The following PIGL variants were observed in gnomAD, a reference collection of about 807,000 sequenced individuals.
The protein encoded by PIGL is N-acetylglucosaminyl-phosphatidylinositol de-N-acetylase.
A neutral mutation model predicts 31.1 loss-of-function variants in PIGL; 22 were observed. The observed-to-expected ratio is 0.71, with a 90% CI of 0.51 to 1.01. PIGL has a LOEUF of 1.01. Among genes scored for constraint, PIGL ranks in the 50% least tolerant of loss-of-function variants. The pLI, the probability that PIGL is intolerant of heterozygous loss-of-function variation, is 0.00. For synonymous variants in PIGL, 131 were observed against 117.4 expected (o/e 1.12, Z -0.75); for missense variants, 302 against 315.9 (o/e 0.96, Z 0.33).
intron 1 of PIGL, among the ~76,000 whole-genome samples, chr17:16,220,474 A>T (rs1332544647): frequency 5.5e-5 from 7 of 127,260 alleles, no homozygotes; most frequent in Admixed American, 1.8e-4. Context: ...GTTTTTTTAA[A>T]TTGTTATTTT....
intron 2 of PIGL, among the ~76,000 whole-genome samples, chr17:16,238,095 C>T (rs1193896222): frequency 6.7e-6 from 1 of 149,922 alleles, no homozygotes; most frequent in African/African-American, 2.5e-5. Context: ...ACTCGGGAGG[C>T]TGAGGCAGGA....
intron 1 of PIGL, among the ~76,000 whole-genome samples, chr17:16,226,303 G>A (rs1399953874): frequency 2.6e-5 from 4 of 152,096 alleles, no homozygotes; most frequent in Non-Finnish European, 4.4e-5. Context: ...ATGCACTTAC[G>A]TATCTGGCTG....
chr17:16,232,222 G>A (rs894045936), intron 1 of PIGL, among the ~76,000 whole-genome samples: 1 of 152,098 alleles, frequency 6.6e-6, no homozygotes, highest in East Asian at 1.9e-4. Context: ...AGGTTGCAGT[G>A]AACTGAGATC....
intron 2 of PIGL, among the ~76,000 whole-genome samples, chr17:16,267,022 C>T (rs1475175705): frequency 1.3e-5 from 2 of 151,860 alleles, no homozygotes; most frequent in East Asian, 3.9e-4. Flanking sequence ...TACAGTTGAC[C>T]TTTGAACAAT....
At chr17:16,265,470 C>T (rs12936529) in intron 2 of PIGL, among the ~76,000 whole-genome samples, 63,328 of 151,860 alleles carry the variant, frequency 0.42, 14,017 homozygotes, top group Middle Eastern at 0.53. Flanking sequence ...AGACCAGGCG[C>T]GGTGGCTCAT....
chr17:16,318,665 G>T (rs2093089270), intron 6 of PIGL, among the ~76,000 whole-genome samples: 1 of 152,004 alleles, frequency 6.6e-6, no homozygotes, highest in Non-Finnish European at 1.5e-5. Flanking sequence ...AGGTGTGGTG[G>T]CTCATGCCTG....
chr17:16,261,261 G>A (rs2092818196), intron 2 of PIGL, among the ~76,000 whole-genome samples: 1 of 152,166 alleles, frequency 6.6e-6, no homozygotes. Flanking sequence ...GCTGGGCTGA[G>A]TGGGCAGAAC....
rs545955870 is a variant in PIGL at position 16,240,059 on chromosome 17, G to A, written c.335+5989G>A. 2.6e-5 allele frequency among the ~76,000 whole-genome samples: 4 copies of A among 152,232 alleles called. No individual in the cohort carries two copies. In the East Asian group the frequency reaches 7.7e-4, roughly 29 times the overall value. ...GGCGTTGGATCAGTAGGAGGTGATT[G>A]GATCATGGAGGCAGATTTCTCATGA... On this transcript the variant is annotated intron_variant, in intron 2 of 6. Transcript: ENST00000225609.
In PIGL at chr17:16,250,119, G is replaced by A. The variant is rs1600776309; in HGVS notation, c.335+16049G>A. ...ATGCCACCATGTCCGGCTAATTTTT[G>A]TATTTTTAGTAGAGTCAGGGTTTCC... On this transcript the variant is annotated intron_variant, in intron 2 of 6. Coordinates refer to ENST00000225609, the MANE Select transcript of PIGL (RefSeq NM_004278.4). Among the ~76,000 whole-genome samples the A allele has an allele frequency of 2.0e-5, 3 of 152,044 alleles. No individual in the cohort carries two copies. The East Asian group carries it at 5.8e-4, about 29-fold the overall frequency.
intron 2 of PIGL, among the ~76,000 whole-genome samples, chr17:16,250,085 T>G (rs1454051172): frequency 6.6e-6 from 1 of 152,164 alleles, no homozygotes; most frequent in Non-Finnish European, 1.5e-5. Context: ...TCGCTGGGAT[T>G]ACCGACATAT....
intron 2 of PIGL, among the ~76,000 whole-genome samples, chr17:16,296,615 AAAAAAAG>A (rs2092983308): frequency 6.6e-6 from 1 of 151,222 alleles, no homozygotes; most frequent in Admixed American, 6.6e-5. Context: ...ATCTCAAAAA[AAAAAAAG>A]AAAAAAGAAA....
intron 2 of PIGL, among the ~76,000 whole-genome samples, chr17:16,277,018 A>C (rs78954300): frequency 0.015 from 2,234 of 152,302 alleles, 71 homozygotes; most frequent in African/African-American, 0.052. Flanking sequence ...CTGTACCCTC[A>C]AATATCTATA....
chr17:16,258,113 G>GAA, intron 2 of PIGL, among the ~76,000 whole-genome samples: 3 of 131,030 alleles, frequency 2.3e-5, no homozygotes, highest in African/African-American at 8.3e-5. Flanking sequence ...AAGAGAGAGA[G>GAA]AGAGAGAGAG....
At chr17:16,290,973 C>T (rs1172759879) in intron 2 of PIGL, among the ~76,000 whole-genome samples, 1 of 152,202 alleles carries the variant, frequency 6.6e-6, no homozygotes, top group East Asian at 1.9e-4. Context: ...AGCCACCACA[C>T]GTGGCCCCCA....
At chr17:16,282,690 A>G (rs1268509815) in intron 2 of PIGL, among the ~76,000 whole-genome samples, 1 of 152,204 alleles carries the variant, frequency 6.6e-6, no homozygotes, top group African/African-American at 2.4e-5. Flanking sequence ...TTTAAGAATG[A>G]TCTCAAGGAA....
At chr17:16,310,896 C>T (rs192551745) in intron 3 of PIGL, among the ~76,000 whole-genome samples, 2 of 152,246 alleles carry the variant, frequency 1.3e-5, no homozygotes, top group Admixed American at 6.5e-5. Flanking sequence ...AGATCTAAAC[C>T]CCAAGAACAG....
At chr17:16,263,520 T>G (rs1204605599) in intron 2 of PIGL, among the ~76,000 whole-genome samples, 7 of 135,168 alleles carry the variant, frequency 5.2e-5, no homozygotes, top group Non-Finnish European at 1.0e-4. Flanking sequence ...TTTGTTTAGG[T>G]TTTTTTTTGT....
At chr17:16,249,683 CAA>C (rs2142723926) in intron 2 of PIGL, among the ~76,000 whole-genome samples, 1 of 152,266 alleles carries the variant, frequency 6.6e-6, no homozygotes, top group Admixed American at 6.5e-5. Context: ...ATCTAAAAGC[CAA>C]AGAGTCTGGA....
intron 2 of PIGL, chr17:16,283,913 C>T (rs569891346): frequency 6.6e-5 from 10 of 152,204 alleles, no homozygotes; most frequent in Admixed American, 2.0e-4. Context: ...AAATACATCC[C>T]GCATCTGCCT....
Sources: gnomAD v4.1 joint callset for allele counts (sites outside exome capture counted in the v4.1 genomes callset) on GRCh38, gnomAD v4.1.1 for gene constraint, MANE v1.5 for transcripts, NCBI Gene and HGNC (gene_info 2026-07-23, HGNC 2026-07-21) for gene names.